Variants in NEB observed in about 807,000 individuals in gnomAD.
NEB encodes nebulin, also known as nemaline myopathy type 2.
NEB carries 512 observed loss-of-function variants against 952.2 expected under a neutral mutation model. That is an observed-to-expected ratio of 0.54 (90% CI 0.50 to 0.58). The LOEUF is 0.58. NEB is among the 20% of genes least tolerant of loss of function. The probability of loss-of-function intolerance (pLI) is 0.00; values close to 1 mark genes in which losing one functional copy is unlikely to be tolerated. For missense variants in NEB, 8,428 were observed against 9,231.1 expected, an observed-to-expected ratio of 0.91 and a Z score of 3.56; for synonymous variants, 2,900 against 3,149.8, an observed-to-expected ratio of 0.92 and a Z score of 2.66.
chr2:151,691,168 A>G (rs2099547144), intron 23 of NEB, among the ~76,000 whole-genome samples: 1 of 151,930 alleles, frequency 6.6e-6, no homozygotes, highest in Non-Finnish European at 1.5e-5. Flanking sequence ...TTCATCTCCA[A>G]CCATTTCACC....
intron 138 of NEB, among the ~76,000 whole-genome samples, chr2:151,540,034 G>C (rs1262500061): frequency 6.6e-6 from 1 of 152,148 alleles, no homozygotes; most frequent in Non-Finnish European, 1.5e-5. Context: ...CTGGCTGACT[G>C]CAAGACCATA....
At chr2:151,492,826 G>A (rs1343437313) in intron 176 of NEB, 2 of 194,378 alleles carry the variant, frequency 1.0e-5, no homozygotes, top group Non-Finnish European at 2.1e-5. Context: ...ATCTGACATT[G>A]TAGGGAATTT....
intron 105 of NEB, among the ~76,000 whole-genome samples, chr2:151,577,814 G>T (rs2153819898): frequency 6.6e-6 from 1 of 152,274 alleles, no homozygotes; most frequent in East Asian, 1.9e-4. Flanking sequence ...TCTGGACCTT[G>T]TGATCCACCC....
At chr2:151,566,580 G>A (rs1185947797) in intron 114 of NEB, among the ~76,000 whole-genome samples, 1 of 152,200 alleles carries the variant, frequency 6.6e-6, no homozygotes, top group Non-Finnish European at 1.5e-5. Flanking sequence ...CAGAAGGCTG[G>A]TGGCAAGTAG....
intron 46 of NEB, among the ~76,000 whole-genome samples, chr2:151,659,549 C>T (rs1288878157): frequency 9.9e-5 from 15 of 152,170 alleles, no homozygotes; most frequent in Non-Finnish European, 2.1e-4. Flanking sequence ...AATCCACCTG[C>T]CTTCACCTTC....
chr2:151,521,614 GCTTT>G (rs751571184), intron 153 of NEB, among the ~76,000 whole-genome samples: 6 of 152,160 alleles, frequency 3.9e-5, no homozygotes, highest in Non-Finnish European at 8.8e-5. Flanking sequence ...AATAAAATCT[GCTTT>G]TTTTAGAAGC....
intron 74 of NEB, among the ~76,000 whole-genome samples, 189 bp downstream of exon 74, chr2:151,618,086 C>CTTTTA (rs2098265191): frequency 6.6e-6 from 1 of 152,126 alleles, no homozygotes; most frequent in South Asian, 2.1e-4. Context: ...CAAACAAAAG[C>CTTTTA]ACACAGTACT....
intron 73 of NEB, 108 bp from the exon 74 acceptor site, chr2:151,618,586 T>C: frequency 1.8e-6 from 2 of 1,097,812 alleles, no homozygotes; most frequent in South Asian, 1.4e-5. Flanking sequence ...ATAGTTAAGG[T>C]TCCTAGCATA....
Position 151,696,753 on chromosome 2 carries a change from C to T in NEB, c.1471-18G>A. On this transcript the variant is annotated intron_variant, in intron 16 of 181. Coordinates refer to ENST00000397345, the MANE Select transcript of NEB (RefSeq NM_001164508.2). ...TAGGTGTGCTGTGGGGAAGCAAAGG[C>T]ATTTGGTTTAGTAGTATCACCTGTC... is the stretch of plus-strand genomic sequence containing the variant. 2 of 1,602,600 alleles carry T rather than the reference C, an allele frequency of 1.2e-6. No individual in the cohort carries two copies. The highest frequency in any genetic ancestry group is 1.1e-5 in the South Asian group (1 of 90,638).
Position 151,695,559 on chromosome 2 carries a change from C to T in NEB, c.1674+19G>A. On this transcript the variant is annotated intron_variant, in intron 18 of 181. Coordinates refer to ENST00000397345, the MANE Select transcript of NEB (RefSeq NM_001164508.2). ...CAGGTTGTCAGTACATCACATGGTA[C>T]AGGGCATAAGGAACTTACATCACTC... 1 of 1,580,406 alleles carries T rather than the reference C, an allele frequency of 6.3e-7. No homozygotes were observed. Among genetic ancestry groups the T allele is most frequent in the Non-Finnish European group, 8.7e-7 (1 of 1,150,210 alleles).
At chr2:151,544,063 C>T (rs566646071) in intron 135 of NEB, among the ~76,000 whole-genome samples, 1 of 152,314 alleles carries the variant, frequency 6.6e-6, no homozygotes, top group Admixed American at 6.5e-5. Flanking sequence ...TGTCTCCCAA[C>T]CCTTCTAAAT....
intron 60 of NEB, 93 bp from the exon 61 acceptor site, chr2:151,640,759 T>G (rs973495162): frequency 8.1e-7 from 1 of 1,233,434 alleles, no homozygotes; most frequent in Admixed American, 2.7e-5. Flanking sequence ...AAAAAAAAAA[T>G]TTTCCCTGAA....
Position 151,619,741 on chromosome 2 carries a change from G to A in NEB, c.10582C>T (p.Arg3528Cys), listed in dbSNP as rs774760619. 8.7e-6 allele frequency: 14 copies of A among 1,611,460 alleles called. No individual in the cohort carries two copies. The highest frequency in any genetic ancestry group is 1.3e-5 in the African/African-American group (1 of 74,958). Residue 3528 changes from arginine (R) to cysteine (C), a missense_variant, in exon 73 of 182, where the codon CGT (arginine) becomes TGT (cysteine). Physicochemically the swap from Arg to Cys is radical, Grantham distance 180 (BLOSUM62 -3). Transcript: ENST00000397345. ...CCAATGTGGTGACCCAACTGTTTAC[G>A]ATATGCTTCTTTGTATTTGTACTGA... is the stretch of plus-strand genomic sequence containing the variant. ...ASDYKYKEAY[R>C]KQLGHHIGAR...
rs766714737 is a variant in NEB at position 151,553,457 on chromosome 2, A to G, written c.19672T>C (p.Tyr6558His). The stretch of plus-strand genomic sequence containing the variant: ...AGGATTTCAGGAGTGTCCCAGACGT[A>G]GCAACCAATGCCTTTCAGCCAGTTG... Reference protein sequence around the residue: ...DLNWLKGIGCYVWDTPEILHA... With the variant: ...DLNWLKGIGCHVWDTPEILHA... Residue 6558 changes from tyrosine to histidine, a missense_variant, in exon 127 of 182, where the codon TAC (tyrosine) becomes CAC (histidine). Tyr to His is a moderately conservative substitution (Grantham distance 83). Transcript: ENST00000397345. 2 of 1,613,860 alleles carry G rather than the reference A, an allele frequency of 1.2e-6. No homozygotes were observed. Among genetic ancestry groups the G allele is most frequent in the Non-Finnish European group, 1.7e-6 (2 of 1,179,748 alleles).
intron 47 of NEB, 42 bp downstream of exon 47, chr2:151,659,023 T>G: frequency 7.4e-7 from 1 of 1,342,506 alleles, no homozygotes; most frequent in Non-Finnish European, 1.1e-6. Flanking sequence ...CTGGTTCAAA[T>G]CTGCTGGAGA....
chr2:151,691,790 C>A, intron 23 of NEB, 74 bp downstream of exon 23: 6 of 1,125,316 alleles, frequency 5.3e-6, no homozygotes, highest in Non-Finnish European at 6.6e-6. Context: ...AGCATGTAAA[C>A]TCCTGCTAAA....
intron 166 of NEB, chr2:151,503,108 T>A (rs932914324): frequency 3.4e-6 from 2 of 586,780 alleles, no homozygotes; most frequent in African/African-American, 1.9e-5. Context: ...TATATAACGC[T>A]GAGGAATCTT....
chr2:151,533,322 A>T, intron 143 of NEB, 120 bp downstream of exon 143: 1 of 665,094 alleles, frequency 1.5e-6, no homozygotes. Flanking sequence ...ATATTTACAT[A>T]GCTTTACCAT....
chr2:151,495,832 T>TC (rs2059805502), intron 173 of NEB, among the ~76,000 whole-genome samples: 1 of 152,172 alleles, frequency 6.6e-6, no homozygotes, highest in Non-Finnish European at 1.5e-5. Context: ...GGATTATTTT[T>TC]CCCAAGGTCT....
Sources: gnomAD v4.1 joint callset for allele counts (sites outside exome capture counted in the v4.1 genomes callset) on GRCh38, gnomAD v4.1.1 for gene constraint, MANE v1.5 for transcripts, NCBI Gene and HGNC (gene_info 2026-07-23, HGNC 2026-07-21) for gene names.